Variants in PDZD2 observed in about 807,000 individuals in gnomAD.
The protein encoded by PDZD2 is PDZ domain-containing protein 2.
A neutral mutation model predicts 220.7 loss-of-function variants in PDZD2; 90 were observed. The observed-to-expected ratio is 0.41, with a 90% CI of 0.34 to 0.49. The LOEUF (loss-of-function observed/expected upper bound fraction) is 0.49. PDZD2 is among the 20% of genes least tolerant of loss of function. The pLI is 0.28. For missense variants in PDZD2, 3,174 were observed against 3,608.5 expected, an observed-to-expected ratio of 0.88 and a Z score of 3.08; for synonymous variants, 1,375 against 1,450.5, an observed-to-expected ratio of 0.95 and a Z score of 1.18.
At position 32,109,299 on chromosome 5, in the gene PDZD2, G is replaced by GACTT. The variant is rs1325457113; in HGVS notation, c.*1166_*1169dup. ...GACCTAGTATAATGACAACTGCAGT[G>GACTT]ACTTAAGTTTTTGCTGTTTTCGTTT... On this transcript the variant is annotated 3_prime_UTR_variant, in exon 25 of 25. Coordinates refer to ENST00000438447, the MANE Select transcript of PDZD2 (RefSeq NM_178140.4). 2 of 151,612 alleles carry GACTT rather than the reference G, an allele frequency of 1.3e-5. No individual in the cohort carries two copies. Among genetic ancestry groups the GACTT allele is most frequent in the Non-Finnish European group, 2.9e-5 (2 of 68,004 alleles). 9.4% of individuals were successfully genotyped at this position (151,612 alleles called of 1,614,324 possible).
intron 1 of PDZD2, among the ~76,000 whole-genome samples, chr5:31,752,081 T>TG (rs1386597780): frequency 1.6e-5 from 2 of 127,864 alleles, no homozygotes; most frequent in Non-Finnish European, 3.4e-5. Flanking sequence ...TTGTTTTTTT[T>TG]TTTTTTTTTC....
intron 2 of PDZD2, among the ~76,000 whole-genome samples, chr5:31,824,499 T>C (rs116505572): frequency 0.013 from 1,904 of 152,288 alleles, 45 homozygotes; most frequent in African/African-American, 0.044. Flanking sequence ...AGCCAAATTA[T>C]CTACCATGCC....
At chr5:31,920,738 A>G (rs887729770) in intron 2 of PDZD2, among the ~76,000 whole-genome samples, 3 of 152,154 alleles carry the variant, frequency 2.0e-5, no homozygotes, top group African/African-American at 7.2e-5. Context: ...CATACAGAGA[A>G]GTTTCACTGC....
chr5:31,790,972 A>G (rs1166393749), intron 1 of PDZD2, among the ~76,000 whole-genome samples: 9 of 151,896 alleles, frequency 5.9e-5, no homozygotes, highest in Non-Finnish European at 1.0e-4. Context: ...TGCTGGGATT[A>G]CAGGCATGAG....
intron 2 of PDZD2, among the ~76,000 whole-genome samples, chr5:31,862,102 T>TTG (rs56135053): frequency 0.48 from 36,945 of 76,194 alleles, 6,633 homozygotes; most frequent in Non-Finnish European, 0.49. Flanking sequence ...TTTTTTTGGG[T>TTG]TTTTTTTTTT....
In PDZD2 at chr5:31,741,192, T is replaced by TGTAC. The variant is rs564721402; in HGVS notation, c.-360-57697_-360-57696insGTAC. On this transcript the variant is annotated intron_variant, in intron 1 of 24. Transcript: ENST00000438447. ...TAGTCAGATCTTGTACAATAGTGTG[T>TGTAC]ACACACACACACACACACACACACA... Among the ~76,000 whole-genome samples the TGTAC allele has an allele frequency of 8.6e-3, 1,292 of 150,504 alleles. 17 individuals are homozygous for TGTAC. Among genetic ancestry groups the TGTAC allele is most frequent in the African/African-American group, 0.029 (1,209 of 41,084 alleles).
At chr5:32,008,424 T>G (rs1263345332) in intron 5 of PDZD2, among the ~76,000 whole-genome samples, 1 of 151,800 alleles carries the variant, frequency 6.6e-6, no homozygotes, top group Non-Finnish European at 1.5e-5. Flanking sequence ...GGGATTACAG[T>G]TGCCCGCCCA....
chr5:32,061,843 AT>A (rs1739717329), intron 14 of PDZD2, among the ~76,000 whole-genome samples: 1 of 152,232 alleles, frequency 6.6e-6, no homozygotes, highest in African/African-American at 2.4e-5. Context: ...ACTATTTAGA[AT>A]TTAACTTAAA....
rs763093311 is a variant in PDZD2, at chr5:32,071,870, T to A, written c.2569-291T>A. ...TCTTTCCCATCGCATCCCCCCAGTG[T>A]TTTTCCTGGGATGGCTGATGTGTTG... On this transcript the variant is annotated intron_variant, in intron 16 of 24. Coordinates refer to ENST00000438447, the MANE Select transcript of PDZD2 (RefSeq NM_178140.4). 7.9e-5 allele frequency among the ~76,000 whole-genome samples: 12 copies of A among 152,264 alleles called. No individual in the cohort carries two copies. The South Asian group carries it at 1.2e-3, about 16-fold the overall frequency.
intron 2 of PDZD2, among the ~76,000 whole-genome samples, chr5:31,928,275 A>G (rs1197424632): frequency 3.3e-5 from 5 of 152,122 alleles, no homozygotes; most frequent in Non-Finnish European, 7.4e-5. Context: ...AGTTAAAGGA[A>G]TAGCTAGTAA....
chr5:31,969,562 A>ATTTTGTAGG (rs1247168248), intron 2 of PDZD2, among the ~76,000 whole-genome samples: 2 of 143,622 alleles, frequency 1.4e-5, no homozygotes, highest in Non-Finnish European at 3.0e-5. Flanking sequence ...ACAAATTGAG[A>ATTTTGTAGG]TTTTGTAGGG....
At chr5:31,866,013 T>C (rs1424178956) in intron 2 of PDZD2, among the ~76,000 whole-genome samples, 1 of 148,208 alleles carries the variant, frequency 6.7e-6, no homozygotes, top group Non-Finnish European at 1.5e-5. Flanking sequence ...TTGATTTTGG[T>C]TTTTTTTTGA....
chr5:31,670,951 G>A (rs1746193654), intron 1 of PDZD2, among the ~76,000 whole-genome samples: 1 of 152,052 alleles, frequency 6.6e-6, no homozygotes, highest in African/African-American at 2.4e-5. Context: ...TGGACTCAGG[G>A]TTACCTATCA....
At chr5:31,978,714 C>CAAAAAAAAAAAAAAAA (rs10632600) in intron 2 of PDZD2, among the ~76,000 whole-genome samples, 4 of 128,026 alleles carry the variant, frequency 3.1e-5, no homozygotes, top group African/African-American at 6.3e-5. Flanking sequence ...GACTCCATCT[C>CAAAAAAAAAAAAAAAA]AAAAAAAAAA....
chr5:31,949,687 T>G (rs1036690283), intron 2 of PDZD2, among the ~76,000 whole-genome samples: 1 of 127,850 alleles, frequency 7.8e-6, no homozygotes, highest in African/African-American at 2.8e-5. Context: ...TTTTTTTTTT[T>G]AACAAGACGG....
intron 1 of PDZD2, among the ~76,000 whole-genome samples, chr5:31,774,941 T>C (rs918808870): frequency 6.6e-6 from 1 of 152,200 alleles, no homozygotes; most frequent in African/African-American, 2.4e-5. Context: ...ATTTGTAGCA[T>C]TTGCCAATTT....
At chr5:31,642,707 G>A (rs913966718) in intron 1 of PDZD2, among the ~76,000 whole-genome samples, 2 of 152,242 alleles carry the variant, frequency 1.3e-5, no homozygotes, top group African/African-American at 4.8e-5. Context: ...TGGAAGAGGT[G>A]AGCAAGTGCA....
At chr5:32,004,243 C>T (rs182514473) in intron 5 of PDZD2, among the ~76,000 whole-genome samples, 14 of 152,274 alleles carry the variant, frequency 9.2e-5, no homozygotes, top group Non-Finnish European at 1.5e-5. Flanking sequence ...CAGGTGCCCA[C>T]AGGGTGCCAG....
intron 1 of PDZD2, among the ~76,000 whole-genome samples, chr5:31,796,427 G>A (rs1754029698): frequency 6.6e-6 from 1 of 152,098 alleles, no homozygotes; most frequent in South Asian, 2.1e-4. Context: ...TTTCTTAGCA[G>A]GATGACTTTC....
Sources: allele counts gnomAD v4.1 joint callset (sites outside exome capture counted in the v4.1 genomes callset), GRCh38; gene constraint gnomAD v4.1.1; transcripts MANE v1.5; gene names NCBI Gene and HGNC (gene_info 2026-07-23, HGNC 2026-07-21).